AP3D1: variants seen among roughly 807,000 people sequenced by gnomAD.
The protein encoded by AP3D1 is adaptor related protein complex 3 subunit delta 1.
AP3D1 carries 51 observed loss-of-function variants against 147.6 expected under a neutral mutation model. The observed-to-expected ratio is 0.35, with a 90% confidence interval of 0.28 to 0.44. The LOEUF is 0.44. Ranked by LOEUF, AP3D1 falls within the 20% of genes least tolerant of loss-of-function variation. AP3D1 has a pLI of 1.00. For missense variants in AP3D1, 1,421 were observed against 1,624.2 expected, an observed-to-expected ratio of 0.87 and a Z score of 2.15; for synonymous variants, 760 against 663.0, an observed-to-expected ratio of 1.15 and a Z score of -2.25.
chr19:2,110,661 C>A (rs759360356), intron 27 of AP3D1, 46 bp downstream of exon 27: 1 of 1,503,050 alleles, frequency 6.7e-7, no homozygotes, highest in Non-Finnish European at 8.9e-7. Context: ...GCTGCCACTG[C>A]GCTCCCACAG....
Position 2,115,423 on chromosome 19 carries a change from G to A in AP3D1, c.2150-5C>T, listed in dbSNP as rs116599347. ...ACTGATCTGACATAGGCAGCCCTGC[G>A]GGCCGGCAGCGGGCAGCCACTCAGC... On this transcript the variant is annotated splice_polypyrimidine_tract_variant and splice_region_variant and intron_variant, in intron 19 of 31. Transcript: ENST00000643116. 604 of 1,607,432 alleles carry A rather than the reference G, an allele frequency of 3.8e-4. No homozygotes were observed. In the African/African-American group the frequency reaches 5.2e-3, roughly 14 times the overall value.
At chr19:2,164,178 C>G in intron 1 of AP3D1, 4 of 1,227,940 alleles carry the variant, frequency 3.3e-6, no homozygotes, top group Non-Finnish European at 4.1e-6. Flanking sequence ...CGGCCGCGCG[C>G]GCGGACATGG....
Position 2,110,157 on chromosome 19 carries a change from C to T in AP3D1, c.3243G>A (p.Gly1081=), listed in dbSNP as rs200617697. The T allele has an allele frequency of 2.5e-6, 4 of 1,612,960 alleles. No individual in the cohort carries two copies. The highest frequency in any genetic ancestry group is 1.1e-5 in the South Asian group (1 of 91,024). ...ATACCTTGGCAATGAAGGACAGGGT[C>T]CCCTTGAGCTTCTGCGCCATGACGA... is the stretch of plus-strand genomic sequence containing the variant. The part of the protein sequence containing the change: ...QSIVMAQKLK[G]TLSFIAKNDE... Residue 1081 remains glycine, a synonymous_variant, in exon 28 of 32, where the codon GGG becomes GGA. Transcript: ENST00000643116.
At chr19:2,138,471 A>G (rs1303706925) in intron 2 of AP3D1, 148 bp downstream of exon 2, 13 of 664,356 alleles carry the variant, frequency 2.0e-5, no homozygotes, top group Non-Finnish European at 2.7e-5. Flanking sequence ...TTTCTGCTCC[A>G]GGACTCTGGG....
intron 31 of AP3D1, among the ~76,000 whole-genome samples, chr19:2,105,924 G>A (rs184355791): frequency 1.4e-4 from 22 of 152,092 alleles, no homozygotes; most frequent in South Asian, 4.2e-4. Context: ...TGGAAACCCC[G>A]TCTCTACTAA....
rs959017115 is a variant in AP3D1 at position 2,101,257 on chromosome 19, G to C, written c.*916C>G. Reference sequence around the variant, plus strand: ...CCCACGCTGGCCGTGGGGAGTGAGCGGAGTCTCCTTGCCCTGCCTGGTGGG... The same window carrying C: ...CCCACGCTGGCCGTGGGGAGTGAGCCGAGTCTCCTTGCCCTGCCTGGTGGG... On this transcript the variant is annotated 3_prime_UTR_variant, in exon 32 of 32. Coordinates refer to ENST00000643116, the MANE Select transcript of AP3D1 (RefSeq NM_001261826.3). The C allele has an allele frequency of 6.6e-6, 1 of 152,424 alleles. No homozygotes were observed. Among genetic ancestry groups the C allele is most frequent in the African/African-American group, 2.4e-5 (1 of 41,436 alleles). The allele number at this position is 152,424 out of a possible 1,614,324, so 9.4% of individuals were successfully genotyped here.
At position 2,128,482 on chromosome 19, in the gene AP3D1, A is replaced by G. The variant is rs950490596; in HGVS notation, c.806+608T>C. Among the ~76,000 whole-genome samples, 38 of 95,698 alleles carry G rather than the reference A, an allele frequency of 4.0e-4. No homozygotes were observed. In the East Asian group the frequency reaches 7.4e-3, roughly 19 times the overall value. The allele number at this position is 95,698 out of a possible 152,430, so 62.8% of individuals were successfully genotyped here. On this transcript the variant is annotated intron_variant, in intron 8 of 31. Transcript: ENST00000643116. ...GAGCCGGCCCGCCCCCGCCGCTCCG[A>G]CACTGCACCCCGTGGAGCCGGCCCG...
intron 1 of AP3D1, among the ~76,000 whole-genome samples, chr19:2,163,422 C>T (rs1384488516): frequency 6.6e-6 from 1 of 151,856 alleles, no homozygotes; most frequent in Non-Finnish European, 1.5e-5. Flanking sequence ...GAACTCCTGA[C>T]CTCAGGTGAT....
At chr19:2,160,530 C>A (rs3803915) in intron 1 of AP3D1, among the ~76,000 whole-genome samples, 19,697 of 151,328 alleles carry the variant, frequency 0.13, 1,397 homozygotes, top group East Asian at 0.24. Flanking sequence ...TAGACTCCTC[C>A]GTCTCAAAAA....
At chr19:2,115,655 T>A in intron 18 of AP3D1, 42 bp from the exon 19 acceptor site, 1 of 1,585,106 alleles carries the variant, frequency 6.3e-7, no homozygotes, top group Non-Finnish European at 8.6e-7. Context: ...CACCGAGGGG[T>A]GACACACGTG....
In AP3D1 at chr19:2,143,081, T is replaced by C. The variant is rs141364534; in HGVS notation, c.97-4367A>G. Reference sequence around the variant, plus strand: ...GCCCAGCCTCTTTTTCTTTTTTTTCTGAGATGGAGTCTCACTCTATCGTCC... The same window carrying C: ...GCCCAGCCTCTTTTTCTTTTTTTTCCGAGATGGAGTCTCACTCTATCGTCC... On this transcript the variant is annotated intron_variant, in intron 1 of 31. Transcript: ENST00000643116. Among the ~76,000 whole-genome samples the C allele has an allele frequency of 4.0e-5, 6 of 151,706 alleles. No homozygotes were observed. In the East Asian group the frequency reaches 1.2e-3, roughly 30 times the overall value.
At chr19:2,108,639 C>A in intron 31 of AP3D1, 48 bp downstream of exon 31, 1 of 1,533,354 alleles carries the variant, frequency 6.5e-7, no homozygotes, top group Non-Finnish European at 8.9e-7. Flanking sequence ...GGCATGACCC[C>A]AGGAGAGGTG....
chr19:2,138,509 G>T, intron 2 of AP3D1, 110 bp downstream of exon 2: 1 of 861,982 alleles, frequency 1.2e-6, no homozygotes, highest in Non-Finnish European at 1.9e-6. Context: ...ACCGACAGCA[G>T]GTGGTACCAA....
At chr19:2,118,390 C>T (rs767380422) in intron 15 of AP3D1, among the ~76,000 whole-genome samples, 10 of 152,250 alleles carry the variant, frequency 6.6e-5, no homozygotes, top group East Asian at 1.9e-4. Flanking sequence ...CCCCAGAGAC[C>T]TGCCCCAGTC....
chr19:2,120,936 C>T lies in AP3D1; in HGVS notation c.1407G>A (p.Leu469=), dbSNP rs1193200969. The T allele has an allele frequency of 1.2e-6, 2 of 1,612,004 alleles. No individual in the cohort carries two copies. Among genetic ancestry groups the T allele is most frequent in the South Asian group, 1.1e-5 (1 of 91,086 alleles). The change falls in exon 14 of 32, where the codon CTG becomes CTA. Residue 469 remains leucine, a synonymous_variant. Coordinates refer to ENST00000643116, the MANE Select transcript of AP3D1 (RefSeq NM_001261826.3). ...TCCCGTTCCGCTGGGTGCTGCTGGC[C>T]AGCAGGTGTGCACTGTCAAGCAGCG... ...MSALLDSAHL[L]ASSTQRNGIC...
At position 2,129,523 on chromosome 19, in the gene AP3D1, C is replaced by T. The variant is rs1307759233; in HGVS notation, c.593-66G>A. 5 of 1,547,150 alleles carry T rather than the reference C, an allele frequency of 3.2e-6. No individual in the cohort carries two copies. In the Admixed American group the frequency reaches 6.0e-5, roughly 19 times the overall value. On this transcript the variant is annotated intron_variant, in intron 6 of 31. Transcript: ENST00000643116. The stretch of plus-strand genomic sequence containing the variant: ...ACCTAGAAAACCATCCTACTGTCTT[C>T]CTGGCCCGCGAGGAAGTTCTGGGGC...
At chr19:2,119,932 G>A (rs2018563766) in intron 14 of AP3D1, among the ~76,000 whole-genome samples, 1 of 152,066 alleles carries the variant, frequency 6.6e-6, no homozygotes, top group South Asian at 2.1e-4. Flanking sequence ...AAGCTTGGGA[G>A]ATAGCCAGAC....
At chr19:2,128,468 C>G (rs1362321397) in intron 8 of AP3D1, among the ~76,000 whole-genome samples, 1 of 75,428 alleles carries the variant, frequency 1.3e-5, no homozygotes, top group Non-Finnish European at 2.6e-5. Flanking sequence ...AGCCGGCCCG[C>G]CCCCGCCGCT....
chr19:2,120,719 T>C (rs1054205267), intron 14 of AP3D1, 143 bp downstream of exon 14: 1 of 742,620 alleles, frequency 1.3e-6, no homozygotes, highest in African/African-American at 1.7e-5. Context: ...AGGGGACAGG[T>C]GCTGGAAACC....
Sources: allele counts gnomAD v4.1 joint callset (sites outside exome capture counted in the v4.1 genomes callset), GRCh38; gene constraint gnomAD v4.1.1; transcripts MANE v1.5; gene names NCBI Gene and HGNC (gene_info 2026-07-23, HGNC 2026-07-21).